DCC: variants seen among roughly 807,000 people sequenced by gnomAD.
DCC encodes netrin receptor DCC.
In DCC, 58 loss-of-function variants were observed where a neutral mutation model predicts 172.5. That is an observed-to-expected ratio of 0.34 (90% confidence interval 0.27 to 0.42). The LOEUF is 0.42. DCC is among the 10% of genes least tolerant of loss of function. DCC has a pLI of 1.00. For synonymous variants in DCC, 709 were observed against 644.5 expected, an observed-to-expected ratio of 1.10 and a Z score of -1.52; for missense variants, 1,740 against 1,791.0, an observed-to-expected ratio of 0.97 and a Z score of 0.51.
intron 2 of DCC, among the ~76,000 whole-genome samples, chr18:52,789,120 G>T (rs1568104365): frequency 6.6e-6 from 1 of 152,086 alleles, no homozygotes; most frequent in African/African-American, 2.4e-5. Context: ...CCACACTAAA[G>T]CTCTATCATG....
chr18:53,459,409 C>A lies in DCC; in HGVS notation c.3570C>A (p.Ser1190Arg). 2 of 1,613,902 alleles carry A rather than the reference C, an allele frequency of 1.2e-6. No individual in the cohort carries two copies. The highest frequency in any genetic ancestry group is 1.7e-6 in the Non-Finnish European group (2 of 1,179,878). Reference protein sequence around the residue: ...IQSCQDLTPVSHSQSETQLGS... With the variant: ...IQSCQDLTPVRHSQSETQLGS... ...GTTGCCAAGACCTCACACCAGTCAGCCACAGCCAGTCAGAAACCCAACTGG... is the reference window on the plus strand; with the variant it reads ...GTTGCCAAGACCTCACACCAGTCAGACACAGCCAGTCAGAAACCCAACTGG... Residue 1190 changes from serine (S) to arginine (R), a missense_variant, in exon 24 of 29, where the codon AGC (serine) becomes AGA (arginine). Coordinates refer to ENST00000442544, the MANE Select transcript of DCC (RefSeq NM_005215.4).
intron 23 of DCC, among the ~76,000 whole-genome samples, chr18:53,457,476 G>A (rs1311794910): frequency 6.6e-6 from 1 of 152,116 alleles, no homozygotes; most frequent in Non-Finnish European, 1.5e-5. Context: ...TTGGGAACTG[G>A]TACTTCTCTG....
chr18:52,881,206 A>C (rs1215259054), intron 2 of DCC, among the ~76,000 whole-genome samples: 3 of 152,118 alleles, frequency 2.0e-5, no homozygotes, highest in African/African-American at 7.2e-5. Flanking sequence ...ACATTGGATT[A>C]GACTTTTTCC....
intron 2 of DCC, among the ~76,000 whole-genome samples, chr18:52,790,732 C>T (rs1312411456): frequency 9.2e-5 from 14 of 152,176 alleles, no homozygotes; most frequent in Non-Finnish European, 1.3e-4. Context: ...TCCCTTTTTG[C>T]CTGTTATAGG....
chr18:53,031,687 T>G (rs972341130), intron 5 of DCC, among the ~76,000 whole-genome samples: 2 of 152,126 alleles, frequency 1.3e-5, no homozygotes, highest in African/African-American at 4.8e-5. Context: ...TCATCAAAAT[T>G]ATATACACTG....
At chr18:52,705,384 C>T (rs890911398) in intron 1 of DCC, among the ~76,000 whole-genome samples, 6 of 152,172 alleles carry the variant, frequency 3.9e-5, no homozygotes, top group Non-Finnish European at 5.9e-5. Context: ...ATATGGTGTT[C>T]GGAAGTCTAT....
intron 14 of DCC, among the ~76,000 whole-genome samples, chr18:53,325,751 G>T (rs2057461119): frequency 6.6e-6 from 1 of 152,134 alleles, no homozygotes; most frequent in Admixed American, 6.5e-5. Flanking sequence ...TTTGGGTATG[G>T]TTGTAATTAT....
chr18:52,922,603 G>A (rs988475515), intron 3 of DCC, among the ~76,000 whole-genome samples: 1 of 152,140 alleles, frequency 6.6e-6, no homozygotes, highest in Non-Finnish European at 1.5e-5. Flanking sequence ...GGTTGAAGAT[G>A]ACTTCAATTA....
At chr18:52,729,721 TGAATGGA>T (rs1388657908) in intron 1 of DCC, among the ~76,000 whole-genome samples, 1 of 152,210 alleles carries the variant, frequency 6.6e-6, no homozygotes, top group African/African-American at 2.4e-5. Flanking sequence ...CAAGAGGGAT[TGAATGGA>T]GAGCTGTGGC....
intron 1 of DCC, among the ~76,000 whole-genome samples, chr18:52,350,502 A>T (rs375501722): frequency 6.6e-6 from 1 of 152,000 alleles, no homozygotes; most frequent in Non-Finnish European, 1.5e-5. Flanking sequence ...GAAGGGGAAC[A>T]TCATCATACA....
chr18:53,007,122 T>C (rs1412606555), intron 5 of DCC, among the ~76,000 whole-genome samples: 1 of 152,072 alleles, frequency 6.6e-6, no homozygotes, highest in Non-Finnish European at 1.5e-5. Context: ...TTGTATGTAC[T>C]CCAAGCTTTA....
intron 1 of DCC, among the ~76,000 whole-genome samples, chr18:52,364,811 G>A (rs1984774056): frequency 2.0e-5 from 3 of 152,212 alleles, no homozygotes; most frequent in Non-Finnish European, 4.4e-5. Flanking sequence ...GTGGCATGGT[G>A]AAGTCAGTGG....
intron 7 of DCC, among the ~76,000 whole-genome samples, chr18:53,149,586 T>G (rs1162357059): frequency 5.3e-5 from 8 of 152,210 alleles, no homozygotes; most frequent in Non-Finnish European, 8.8e-5. Flanking sequence ...TAAAAGGCAC[T>G]TTCCTAAATA....
At chr18:53,441,293 C>T (rs1912259700) in intron 22 of DCC, among the ~76,000 whole-genome samples, 1 of 152,034 alleles carries the variant, frequency 6.6e-6, no homozygotes, top group African/African-American at 2.4e-5. Context: ...AGGCCTTTGT[C>T]TTCTGTTTGA....
intron 12 of DCC, among the ~76,000 whole-genome samples, chr18:53,280,329 T>C (rs906506298): frequency 2.0e-5 from 3 of 152,186 alleles, no homozygotes; most frequent in African/African-American, 7.2e-5. Flanking sequence ...TGTTTACATT[T>C]CAGAGACATT....
intron 1 of DCC, among the ~76,000 whole-genome samples, chr18:52,564,222 A>G (rs1598916332): frequency 6.6e-6 from 1 of 152,148 alleles, no homozygotes; most frequent in Admixed American, 6.6e-5. Context: ...AATGTAGAAG[A>G]GGTCTATGAG....
intron 1 of DCC, among the ~76,000 whole-genome samples, chr18:52,452,642 A>T (rs1339947194): frequency 6.6e-6 from 1 of 152,250 alleles, no homozygotes; most frequent in African/African-American, 2.4e-5. Context: ...ATAAGTGCTC[A>T]GAACAGTGAT....
intron 2 of DCC, among the ~76,000 whole-genome samples, chr18:52,764,064 A>G (rs2037298819): frequency 6.6e-6 from 1 of 152,194 alleles, no homozygotes; most frequent in Admixed American, 6.5e-5. Context: ...CTTCTTACCT[A>G]GTGGTGTAAT....
chr18:53,180,218 T>C (rs970068197), intron 9 of DCC, among the ~76,000 whole-genome samples: 4 of 152,178 alleles, frequency 2.6e-5, no homozygotes, highest in Non-Finnish European at 4.4e-5. Context: ...ATCCTTTCTT[T>C]CATTTGGCCA....
Sources: allele counts gnomAD v4.1 joint callset (sites outside exome capture counted in the v4.1 genomes callset), GRCh38; gene constraint gnomAD v4.1.1; transcripts MANE v1.5; gene names NCBI Gene and HGNC (gene_info 2026-07-23, HGNC 2026-07-21).